ZNF462: variants seen among roughly 807,000 people sequenced by gnomAD.
ZNF462 encodes the protein zinc finger protein 462.
Under a neutral mutation model 201.9 loss-of-function variants are expected in ZNF462, and 10 were observed. The ratio of observed to expected loss-of-function variants is 0.05; its 90% CI spans 0.03 to 0.08. The LOEUF (loss-of-function observed/expected upper bound fraction) is 0.08. Ranked by LOEUF, ZNF462 falls within the 10% of genes least tolerant of loss-of-function variation. The pLI, the probability that ZNF462 is intolerant of heterozygous loss-of-function variation, is 1.00. For synonymous variants in ZNF462, 1,227 were observed against 1,193.3 expected (o/e 1.03, Z -0.58); for missense variants, 2,523 against 3,168.3 (o/e 0.80, Z 4.89).
At chr9:106,918,089 C>A (rs1406643700) in intron 1 of ZNF462, among the ~76,000 whole-genome samples, 1 of 151,960 alleles carries the variant, frequency 6.6e-6, no homozygotes, top group East Asian at 1.9e-4. Context: ...GTTGACCAGA[C>A]TGGTCTCGAA....
chr9:106,981,632 T>G lies in ZNF462; in HGVS notation c.6833-2554T>G, dbSNP rs1010080938. ...TGTTCACATGAATAATTACTTGAAC[T>G]TCAGGGTGTTATTCTGACTATTCAT... On this transcript the variant is annotated intron_variant, in intron 9 of 12. Transcript: ENST00000277225. This position sits in a 1 kb window ranked among gnomAD's most constrained non-coding sequence, Gnocchi z 4.0. 1.3e-5 allele frequency among the ~76,000 whole-genome samples: 2 copies of G among 152,204 alleles called. No homozygotes were observed. Among genetic ancestry groups the G allele is most frequent in the African/African-American group, 4.8e-5 (2 of 41,464 alleles).
chr9:106,897,498 A>G (rs1208872377), intron 1 of ZNF462, among the ~76,000 whole-genome samples: 1 of 151,644 alleles, frequency 6.6e-6, no homozygotes, highest in African/African-American at 2.4e-5. Flanking sequence ...TTTTTTAGTA[A>G]TTCCATGGAA....
In ZNF462 at chr9:106,938,937, C is replaced by T; in HGVS notation, c.6257C>T (p.Ser2086Phe). The change falls in exon 7 of 13, where the codon TCT becomes TTT. Residue 2086 changes from serine to phenylalanine, a missense_variant. Physicochemically the swap from Ser to Phe is radical, Grantham distance 155. Around this residue, in one of 15 missense-constraint regions of ZNF462, gnomAD observed 138 missense variants for 146.3 expected, o/e 0.94. Coordinates refer to ENST00000277225, the MANE Select transcript of ZNF462 (RefSeq NM_021224.6). The surrounding 1 kb of genome is among the most constrained non-coding windows in gnomAD (Gnocchi z 4.4). ...CCAGGTGAGCATGCCTACAAGTGTT[C>T]TTGGTGCTCATTCTCCACCATGACA... ...AHAGEHAYKC[S>F]WCSFSTMTIS... 1 of 1,611,032 alleles carries T rather than the reference C, an allele frequency of 6.2e-7. No individual in the cohort carries two copies. Among genetic ancestry groups the T allele is most frequent in the Non-Finnish European group, 8.5e-7 (1 of 1,178,646 alleles).
At chr9:106,959,015 G>C (rs778041500) in intron 7 of ZNF462, among the ~76,000 whole-genome samples, 5 of 152,140 alleles carry the variant, frequency 3.3e-5, no homozygotes, top group Admixed American at 3.3e-4. Flanking sequence ...TTTGGGAATT[G>C]AATTTGCCCT....
intron 1 of ZNF462, among the ~76,000 whole-genome samples, chr9:106,901,691 G>C (rs917702366): frequency 6.6e-6 from 1 of 152,060 alleles, no homozygotes; most frequent in Non-Finnish European, 1.5e-5. Context: ...TTGTAAAAGG[G>C]GTTGAGTTCT....
intron 10 of ZNF462, among the ~76,000 whole-genome samples, chr9:106,999,093 T>C (rs1342331763): frequency 2.0e-5 from 3 of 152,160 alleles, no homozygotes; most frequent in Non-Finnish European, 4.4e-5. Context: ...ATACGGCTTC[T>C]TTTGCCTGCA....
chr9:107,009,006 AT>A lies in ZNF462; in HGVS notation c.7190-537del, dbSNP rs1829760676. Among the ~76,000 whole-genome samples, 1 of 152,164 alleles carries A rather than the reference AT, an allele frequency of 6.6e-6. No individual in the cohort carries two copies. The highest frequency in any genetic ancestry group is 6.5e-5 in the Admixed American group (1 of 15,270). The stretch of plus-strand genomic sequence containing the variant: ...CACATAACCGCCCTGTAAGGTATTG[AT>A]TATAATGTCTATGATGGATGACCAC... On this transcript the variant is annotated intron_variant, in intron 11 of 12. Transcript: ENST00000277225. The surrounding 1 kb of genome is among the most constrained non-coding windows in gnomAD (Gnocchi z 6.1).
rs1046513491 is a variant in ZNF462, at chr9:106,902,397, G to GT, written c.-30-20954dup. Among the ~76,000 whole-genome samples the GT allele has an allele frequency of 1.5e-4, 23 of 151,828 alleles. No homozygotes were observed. The highest frequency in any genetic ancestry group is 4.8e-4 in the African/African-American group (20 of 41,380). ...TGTAGTTTTCTTCTGTGGTTATGTCGTTTCCTGGTTTTGGTATTAGAGTGC... is the reference window on the plus strand; with the variant it reads ...TGTAGTTTTCTTCTGTGGTTATGTCGTTTTCCTGGTTTTGGTATTAGAGTGC... On this transcript the variant is annotated intron_variant, in intron 1 of 12. Coordinates refer to ENST00000277225, the MANE Select transcript of ZNF462 (RefSeq NM_021224.6). The surrounding 1 kb of genome is among the most constrained non-coding windows in gnomAD (Gnocchi z 4.2).
chr9:106,942,643 A>C (rs1313697260), intron 7 of ZNF462, among the ~76,000 whole-genome samples: 1 of 152,224 alleles, frequency 6.6e-6, no homozygotes, highest in African/African-American at 2.4e-5. Context: ...CCTGCCATAT[A>C]CAACACAGGA....
At chr9:106,888,856 A>G (rs1828445919) in intron 1 of ZNF462, among the ~76,000 whole-genome samples, 1 of 152,256 alleles carries the variant, frequency 6.6e-6, no homozygotes, top group South Asian at 2.1e-4. Context: ...ATCATCAATT[A>G]CAAACCTTTC....
In ZNF462 at chr9:106,978,204, A is replaced by G. The variant is rs779505219; in HGVS notation, c.6832+3931A>G. Among the ~76,000 whole-genome samples the G allele has an allele frequency of 1.2e-4, 18 of 151,476 alleles. No homozygotes were observed. Among genetic ancestry groups the G allele is most frequent in the Non-Finnish European group, 1.8e-4 (12 of 68,012 alleles). On this transcript the variant is annotated intron_variant, in intron 9 of 12. Coordinates refer to ENST00000277225, the MANE Select transcript of ZNF462 (RefSeq NM_021224.6). The surrounding 1 kb of genome is among the most constrained non-coding windows in gnomAD (Gnocchi z 4.1). ...CCCAATAAAGTCTGGGGTTCCAGGT[A>G]GACTTAAGTTTATGGGGGACACTCT...
At position 106,974,027 on chromosome 9, in the gene ZNF462, A is replaced by G. The variant is rs1826800241; in HGVS notation, c.6696-110A>G. 1 of 1,428,188 alleles carries G rather than the reference A, an allele frequency of 7.0e-7. No individual in the cohort carries two copies. The highest frequency in any genetic ancestry group is 9.6e-7 in the Non-Finnish European group (1 of 1,046,494). The allele number at this position is 1,428,188 out of a possible 1,614,324, so 88.5% of individuals were successfully genotyped here. A position where few individuals can be genotyped will look rare whatever the true frequency, so the allele number is the denominator to read the frequency against. On this transcript the variant is annotated intron_variant, in intron 8 of 12. Coordinates refer to ENST00000277225, the MANE Select transcript of ZNF462 (RefSeq NM_021224.6). The surrounding 1 kb of genome is among the most constrained non-coding windows in gnomAD (Gnocchi z 4.0). Reference sequence around the variant, plus strand: ...TGAACAGATTTTTTTTTAGCCCCACAAGCAGGAGAGCCGCACTTGGACATA... The same window carrying G: ...TGAACAGATTTTTTTTTAGCCCCACGAGCAGGAGAGCCGCACTTGGACATA...
intron 7 of ZNF462, among the ~76,000 whole-genome samples, chr9:106,941,593 T>C (rs905944394): frequency 2.0e-5 from 3 of 152,226 alleles, no homozygotes; most frequent in Non-Finnish European, 4.4e-5. Flanking sequence ...TACACAAAAG[T>C]CATTGGGCCT....
chr9:106,932,414 G>C lies in ZNF462; in HGVS notation c.6013-32G>C, dbSNP rs375922606. 6.2e-7 allele frequency: 1 copy of C among 1,614,206 alleles called. No individual in the cohort carries two copies. Among genetic ancestry groups the C allele is most frequent in the Admixed American group, 1.7e-5 (1 of 60,032 alleles). ...ACCCGGCCGGGGGGATACCATTGCA[G>C]TCAATGTGACAGAGTCCTGATGTCC... is the stretch of plus-strand genomic sequence containing the variant. On this transcript the variant is annotated intron_variant, in intron 4 of 12. Coordinates refer to ENST00000277225, the MANE Select transcript of ZNF462 (RefSeq NM_021224.6). This position sits in a 1 kb window ranked among gnomAD's most constrained non-coding sequence, Gnocchi z 6.8.
intron 1 of ZNF462, among the ~76,000 whole-genome samples, chr9:106,893,014 G>A (rs1339524914): frequency 1.3e-5 from 2 of 152,188 alleles, no homozygotes; most frequent in African/African-American, 4.8e-5. Context: ...ATATCTCAGA[G>A]CAAATTCCTG....
intron 1 of ZNF462, among the ~76,000 whole-genome samples, chr9:106,877,641 A>G (rs1827894453): frequency 6.6e-6 from 1 of 152,014 alleles, no homozygotes; most frequent in South Asian, 2.1e-4. Context: ...CGGCCTCCCA[A>G]AGTGTTGGGC....
chr9:106,941,464 T>C (rs540277335), intron 7 of ZNF462, among the ~76,000 whole-genome samples: 3 of 152,280 alleles, frequency 2.0e-5, no homozygotes, highest in South Asian at 4.1e-4. Flanking sequence ...AACATAGATA[T>C]TCTGTTTTTG....
intron 7 of ZNF462, among the ~76,000 whole-genome samples, chr9:106,956,747 C>G (rs1326415855): frequency 6.6e-6 from 1 of 152,148 alleles, no homozygotes; most frequent in Non-Finnish European, 1.5e-5. Context: ...GCTGCTTCAC[C>G]TTGCACTTTT....
chr9:106,881,630 A>G (rs185773333), intron 1 of ZNF462, among the ~76,000 whole-genome samples: 110 of 152,368 alleles, frequency 7.2e-4, no homozygotes, highest in African/African-American at 2.4e-3. Flanking sequence ...AACAGTGACT[A>G]TCTGATTAGA....
Sources: gnomAD v4.1 joint callset for allele counts (sites outside exome capture counted in the v4.1 genomes callset) on GRCh38, gnomAD v4.1.1 for gene constraint, gnomAD v4.1.1 regional missense constraint, Gnocchi (gnomAD v3.1) non-coding constraint, MANE v1.5 for transcripts, NCBI Gene and HGNC (gene_info 2026-07-23, HGNC 2026-07-21) for gene names.